The following NLRP5 variants were observed in gnomAD, a reference collection of about 807,000 sequenced individuals.
NLRP5 encodes the protein NACHT, LRR and PYD domains-containing protein 5.
Under a neutral mutation model 113.1 loss-of-function variants are expected in NLRP5, and 93 were observed. The observed-to-expected ratio is 0.82, with a 90% CI of 0.70 to 0.98. The LOEUF (loss-of-function observed/expected upper bound fraction) is 0.98, where lower values mean the gene tolerates loss of function less well. Ranked by LOEUF, NLRP5 falls within the 50% of genes least tolerant of loss-of-function variation. The pLI, the probability that NLRP5 is intolerant of heterozygous loss-of-function variation, is 0.00. For missense variants in NLRP5, 1,808 were observed against 1,514.3 expected (o/e 1.19, Z -3.22); for synonymous variants, 751 against 600.7 (o/e 1.25, Z -3.66).
Position 56,027,204 on chromosome 19 carries a change from T to C in NLRP5, c.971T>C (p.Met324Thr). The C allele has an allele frequency of 1.9e-6, 3 of 1,611,594 alleles. No homozygotes were observed. Among genetic ancestry groups the C allele is most frequent in the South Asian group, 1.1e-5 (1 of 90,448 alleles). The change falls in exon 7 of 15, where the codon ATG becomes ACG. Residue 324 changes from methionine to threonine, a missense_variant. Met to Thr is a moderately conservative substitution (Grantham distance 81, BLOSUM62 -1). Transcript: ENST00000390649. The stretch of plus-strand genomic sequence containing the variant: ...GTCTTCTTCCTCCCCGTTAGAGAGA[T>C]GCAGCGGAAGAAGGAGAGCAGTGTC...
Position 56,033,702 on chromosome 19 carries a change from T to C in NLRP5, c.2608T>C (p.Ser870Pro). Reference sequence around the variant, plus strand: ...AAAACACCCAAAATGTTTGTTGGAGTCTTTGAGGTACGTCTCTGGTAGAGC... The same window carrying C: ...AAAACACCCAAAATGTTTGTTGGAGCCTTTGAGGTACGTCTCTGGTAGAGC... Residue 870 changes from serine (S) to proline (P), a missense_variant, in exon 9 of 15, where the codon TCT (serine) becomes CCT (proline). Coordinates refer to ENST00000390649, the MANE Select transcript of NLRP5 (RefSeq NM_153447.4). 6.2e-7 allele frequency: 1 copy of C among 1,612,012 alleles called. No homozygotes were observed. The highest frequency in any genetic ancestry group is 8.5e-7 in the Non-Finnish European group (1 of 1,178,940).
chr19:56,023,326 T>C (rs1172869481), intron 6 of NLRP5, among the ~76,000 whole-genome samples: 4 of 152,074 alleles, frequency 2.6e-5, no homozygotes, highest in African/African-American at 7.2e-5. Context: ...GCTCAGCAAA[T>C]AGAGGTTCTA....
At chr19:55,999,851 G>A (rs12462690) in intron 1 of NLRP5, 387,113 of 1,199,004 alleles carry the variant, frequency 0.32, 64,915 homozygotes, top group South Asian at 0.35. Context: ...CATGACACAC[G>A]GATCGAATCC....
At chr19:56,035,434 C>T (rs1983275594) in intron 9 of NLRP5, among the ~76,000 whole-genome samples, 1 of 152,200 alleles carries the variant, frequency 6.6e-6, no homozygotes, top group South Asian at 2.1e-4. Context: ...TGGGGTTTAT[C>T]TGGGAACAGA....
intron 3 of NLRP5, among the ~76,000 whole-genome samples, chr19:56,010,755 A>AAAAAAAAAAAAAAAAAAAAAAT (rs78321861): frequency 7.9e-6 from 1 of 125,982 alleles, no homozygotes; most frequent in African/African-American, 3.0e-5. Flanking sequence ...AAAAAAAAAA[A>AAAAAAAAAAAAAAAAAAAAAAT]GTCCCTTGAA....
the NLRP5 span, chr19:55,987,714 C>A: frequency 1.2e-6 from 1 of 808,408 alleles, no homozygotes; most frequent in Non-Finnish European, 2.1e-6. Flanking sequence ...GGGAGGGGTA[C>A]GGTCTGTAGA....
chr19:56,005,214 CACAT>C (rs1358896213), intron 2 of NLRP5, among the ~76,000 whole-genome samples: 8 of 144,304 alleles, frequency 5.5e-5, no homozygotes, highest in South Asian at 2.2e-4. Flanking sequence ...TACACATACA[CACAT>C]ATACACATAT....
chr19:55,991,357 G>A, the NLRP5 span, among the ~76,000 whole-genome samples: 1 of 152,112 alleles, frequency 6.6e-6, no homozygotes, highest in East Asian at 1.9e-4. Context: ...GAATTTTCTT[G>A]TCTAGTTTTG....
chr19:56,050,339 G>A, intron 11 of NLRP5, 79 bp from the exon 12 acceptor site: 1 of 1,364,736 alleles, frequency 7.3e-7, no homozygotes, highest in Non-Finnish European at 1.0e-6. Context: ...ACTGCAGCTG[G>A]GAGGAGAGCA....
At chr19:56,014,639 T>C (rs12151366) in intron 3 of NLRP5, among the ~76,000 whole-genome samples, 12,583 of 152,244 alleles carry the variant, frequency 0.083, 606 homozygotes, top group South Asian at 0.16. Context: ...ACTTCATCCT[T>C]TTGTGTGTAG....
chr19:56,024,393 T>TACATATATAC (rs1460798524), intron 6 of NLRP5, among the ~76,000 whole-genome samples: 8 of 120,316 alleles, frequency 6.6e-5, no homozygotes, highest in South Asian at 5.7e-4. Flanking sequence ...ATAACATATA[T>TACATATATAC]ACATATATGT....
At position 56,030,714 on chromosome 19, in the gene NLRP5, C is replaced by CTTTTTTTTTTTTTTTTTTTTTTTTTTTT. The variant is rs770624516; in HGVS notation, c.2277-1879_2277-1878insTTTTTTTTTTTTTTTTTTTTTTTTTTTT. 6.3e-4 allele frequency among the ~76,000 whole-genome samples: 45 copies of CTTTTTTTTTTTTTTTTTTTTTTTTTTTT among 71,350 alleles called. 11 individuals carry two copies. Among genetic ancestry groups the CTTTTTTTTTTTTTTTTTTTTTTTTTTTT allele is most frequent in the African/African-American group, 1.6e-3 (23 of 13,966 alleles). 46.8% of individuals were successfully genotyped at this position (71,350 alleles called of 152,430 possible). On this transcript the variant is annotated intron_variant, in intron 7 of 14. Transcript: ENST00000390649. ...ACTTACATTCATTCGCTTTCTTCTT[C>CTTTTTTTTTTTTTTTTTTTTTTTTTTTT]TTTTTTTTTTTTTTTTTTGAGACGG...
upstream of NLRP5, among the ~76,000 whole-genome samples, chr19:55,997,826 G>C (rs747285030): frequency 2.2e-4 from 34 of 151,394 alleles, no homozygotes; most frequent in Non-Finnish European, 4.3e-4. Flanking sequence ...TTGCACCACT[G>C]CAGTCCAGCC....
At chr19:56,038,661 G>GGA (rs1169901835) in intron 10 of NLRP5, among the ~76,000 whole-genome samples, 1 of 152,096 alleles carries the variant, frequency 6.6e-6, no homozygotes, top group Non-Finnish European at 1.5e-5. Context: ...TCAAAAAGGA[G>GGA]GAGGGTCACC....
At chr19:56,053,347 G>C (rs1341271750) in intron 12 of NLRP5, among the ~76,000 whole-genome samples, 1 of 151,222 alleles carries the variant, frequency 6.6e-6, no homozygotes, top group Non-Finnish European at 1.5e-5. Flanking sequence ...AGTGAGCCGA[G>C]ATCACACCAT....
At chr19:56,004,182 A>C (rs1181320175) in intron 2 of NLRP5, 87 bp downstream of exon 2, 1 of 1,356,570 alleles carries the variant, frequency 7.4e-7, no homozygotes, top group East Asian at 2.3e-5. Flanking sequence ...TTGTTCAGTA[A>C]CCGGCTCCAC....
intron 6 of NLRP5, 62 bp from the exon 7 acceptor site, chr19:56,026,851 C>T: frequency 6.7e-7 from 1 of 1,491,368 alleles, no homozygotes; most frequent in Non-Finnish European, 9.0e-7. Context: ...GCTGGGATGA[C>T]AGGTGCGAGC....
intron 12 of NLRP5, 43 bp from the exon 13 acceptor site, chr19:56,053,595 T>C (rs1433906006): frequency 3.2e-6 from 5 of 1,568,074 alleles, no homozygotes; most frequent in East Asian, 4.5e-5. Flanking sequence ...TGTTCCACTT[T>C]CCTCGAGAGA....
At chr19:56,043,661 G>A (rs1260767334) in intron 11 of NLRP5, among the ~76,000 whole-genome samples, 3 of 144,572 alleles carry the variant, frequency 2.1e-5, no homozygotes, top group East Asian at 4.3e-4. Flanking sequence ...TGCCTCCTGG[G>A]TTCATGCCAT....
Sources: allele counts gnomAD v4.1 joint callset (sites outside exome capture counted in the v4.1 genomes callset), GRCh38; gene constraint gnomAD v4.1.1; transcripts MANE v1.5; gene names NCBI Gene and HGNC (gene_info 2026-07-23, HGNC 2026-07-21).